Variants in RYR3 observed in about 807,000 individuals in gnomAD.
The protein encoded by RYR3 is brain ryanodine receptor-calcium release channel.
A neutral mutation model predicts 584.3 loss-of-function variants in RYR3; 207 were observed. The ratio of observed to expected loss-of-function variants is 0.35; its 90% CI spans 0.32 to 0.40. The LOEUF is 0.40. Ranked by LOEUF, RYR3 falls within the 10% of genes least tolerant of loss-of-function variation. The pLI, the probability that RYR3 is intolerant of heterozygous loss-of-function variation, is 1.00. For missense variants in RYR3, 5,616 were observed against 6,089.2 expected (o/e 0.92, Z 2.59); for synonymous variants, 2,416 against 2,248.5 (o/e 1.07, Z -2.11).
chr15:33,614,649 A>G (rs1365571697), intron 19 of RYR3, among the ~76,000 whole-genome samples: 1 of 151,948 alleles, frequency 6.6e-6, no homozygotes, highest in Admixed American at 6.6e-5. Context: ...TATCTTACAT[A>G]TTTTGGATAT....
intron 1 of RYR3, among the ~76,000 whole-genome samples, chr15:33,450,482 C>G (rs1487264647): frequency 6.6e-6 from 1 of 152,142 alleles, no homozygotes; most frequent in East Asian, 1.9e-4. Flanking sequence ...GTTCTCCACA[C>G]AGCAGTTTAC....
At chr15:33,472,888 A>G (rs1299504848) in intron 1 of RYR3, among the ~76,000 whole-genome samples, 1 of 151,848 alleles carries the variant, frequency 6.6e-6, no homozygotes, top group Non-Finnish European at 1.5e-5. Flanking sequence ...CACCCTCCAT[A>G]TCTTCCTCTA....
At chr15:33,320,701 G>A (rs1027054042) in intron 1 of RYR3, among the ~76,000 whole-genome samples, 9 of 152,144 alleles carry the variant, frequency 5.9e-5, no homozygotes, top group African/African-American at 2.2e-4. Flanking sequence ...TCATAATAGT[G>A]CCTATCTGAG....
Position 33,660,316 on chromosome 15 carries a change from C to CAGCT in RYR3, c.4516_4519dup (p.Phe1507Ter). The stretch of plus-strand genomic sequence containing the variant: ...CCGTGCTCTGGAGCCGCATGCCCAA[C>CAGCT]AGCTTCCTGAAGGTGGAGACCGAGC... On this transcript the variant is annotated frameshift_variant, in exon 34 of 104. Coordinates refer to ENST00000634891, the MANE Select transcript of RYR3 (RefSeq NM_001036.6). LOFTEE classifies it high-confidence loss of function. 6.3e-7 allele frequency: 1 copy of CAGCT among 1,586,362 alleles called. No individual in the cohort carries two copies. The highest frequency in any genetic ancestry group is 8.6e-7 in the Non-Finnish European group (1 of 1,166,650).
At chr15:33,655,693 G>A (rs985156456) in intron 32 of RYR3, among the ~76,000 whole-genome samples, 14 of 152,278 alleles carry the variant, frequency 9.2e-5, no homozygotes, top group African/African-American at 2.6e-4. Flanking sequence ...GAATGCTGCC[G>A]CAAAGGAGAC....
chr15:33,857,438 TACTC>T (rs547460417), intron 98 of RYR3, among the ~76,000 whole-genome samples: 61 of 152,054 alleles, frequency 4.0e-4, no homozygotes, highest in Non-Finnish European at 7.6e-4. Flanking sequence ...CAGTTTAACT[TACTC>T]ACCTCTTTGA....
intron 60 of RYR3, among the ~76,000 whole-genome samples, chr15:33,764,063 G>C (rs1294956673): frequency 1.3e-5 from 2 of 152,052 alleles, no homozygotes; most frequent in South Asian, 2.1e-4. Context: ...ATTTGACCCA[G>C]CAATCCCATT....
chr15:33,789,650 A>ATTTTTTTTTTTT (rs2049525581), intron 67 of RYR3, among the ~76,000 whole-genome samples: 1 of 25,342 alleles, frequency 3.9e-5, no homozygotes, highest in Non-Finnish European at 7.0e-5. Context: ...ATATATATAT[A>ATTTTTTTTTTTT]TATATATATT....
At chr15:33,548,261 C>T (rs2056402097) in intron 9 of RYR3, 57 bp downstream of exon 9, 5 of 1,060,562 alleles carry the variant, frequency 4.7e-6, no homozygotes, top group African/African-American at 1.6e-5. Flanking sequence ...CAGTACAGGC[C>T]GTTCTCTTAA....
chr15:33,363,389 T>C (rs1975038437), intron 1 of RYR3, among the ~76,000 whole-genome samples: 1 of 152,172 alleles, frequency 6.6e-6, no homozygotes, highest in Non-Finnish European at 1.5e-5. Context: ...TTAAGAGCCT[T>C]CTCTTCTGTT....
chr15:33,350,043 T>C (rs1003132691), intron 1 of RYR3, among the ~76,000 whole-genome samples: 4 of 151,998 alleles, frequency 2.6e-5, no homozygotes, highest in African/African-American at 7.2e-5. Context: ...TGAATAGTGC[T>C]GCAATAAACA....
At position 33,623,827 on chromosome 15, in the gene RYR3, G is replaced by A; in HGVS notation, c.2378G>A (p.Gly793Glu). 2 of 1,612,964 alleles carry A rather than the reference G, an allele frequency of 1.2e-6. No individual in the cohort carries two copies. Among genetic ancestry groups the A allele is most frequent in the Non-Finnish European group, 1.7e-6 (2 of 1,179,000 alleles). Residue 793 changes from glycine (G) to glutamate (E), a missense_variant, in exon 20 of 104, where the codon GGA becomes GAA. By Grantham distance (98) the Gly-to-Glu change is moderately conservative. This residue lies in a region of RYR3 where 1,284 missense variants were observed against 1,344.6 expected (regional missense o/e 0.95). Transcript: ENST00000634891. ...GACAGAGTACGTTTCCTGATGGGTG[G>A]ACGTCATGGAGAGTTTAAGTTCCTG... ...AGVKVRFLMG[G>E]RHGEFKFLPP...
chr15:33,315,131 T>A (rs532100519), intron 1 of RYR3, among the ~76,000 whole-genome samples: 1 of 152,256 alleles, frequency 6.6e-6, no homozygotes, highest in South Asian at 2.1e-4. Context: ...CAAGGATTGG[T>A]CCCTTGTCTT....
At chr15:33,728,232 A>G (rs925998004) in intron 46 of RYR3, among the ~76,000 whole-genome samples, 2 of 152,208 alleles carry the variant, frequency 1.3e-5, no homozygotes, top group Non-Finnish European at 2.9e-5. Flanking sequence ...CAAGCCACCA[A>G]TGTAATGTCA....
At chr15:33,480,176 T>C (rs953617837) in intron 2 of RYR3, among the ~76,000 whole-genome samples, 2 of 152,220 alleles carry the variant, frequency 1.3e-5, no homozygotes, top group Non-Finnish European at 2.9e-5. Flanking sequence ...GACTTTTGTA[T>C]AGCTCTGTAT....
At chr15:33,512,226 T>G (rs2053097561) in intron 3 of RYR3, among the ~76,000 whole-genome samples, 1 of 152,234 alleles carries the variant, frequency 6.6e-6, no homozygotes, top group African/African-American at 2.4e-5. Context: ...AGTGCTATTA[T>G]GCAACTCCAG....
intron 92 of RYR3, 105 bp from the exon 93 acceptor site, chr15:33,844,757 A>G: frequency 2.1e-6 from 2 of 962,762 alleles, no homozygotes; most frequent in Non-Finnish European, 3.1e-6. Context: ...ATGTTGAGTC[A>G]CTACTATTTG....
chr15:33,495,696 A>T (rs567420026), intron 2 of RYR3, among the ~76,000 whole-genome samples: 1 of 152,334 alleles, frequency 6.6e-6, no homozygotes, highest in Non-Finnish European at 1.5e-5. Context: ...AAATCCAGAG[A>T]GTAGCCAACA....
intron 1 of RYR3, among the ~76,000 whole-genome samples, chr15:33,337,519 C>A (rs996840362): frequency 5.9e-5 from 9 of 151,410 alleles, no homozygotes; most frequent in Admixed American, 6.6e-5. Context: ...AAGCCAAAAT[C>A]AAAGATTATT....
Sources: allele counts gnomAD v4.1 joint callset (sites outside exome capture counted in the v4.1 genomes callset), GRCh38; gene constraint gnomAD v4.1.1; regional missense constraint gnomAD v4.1.1; transcripts MANE v1.5; gene names NCBI Gene and HGNC (gene_info 2026-07-23, HGNC 2026-07-21).